Variants in CDH11 observed in about 807,000 individuals in gnomAD.
The protein encoded by CDH11 is cadherin-11.
Under a neutral mutation model 67.8 loss-of-function variants are expected in CDH11, and 11 were observed. The ratio of observed to expected loss-of-function variants is 0.16; its 90% CI spans 0.10 to 0.27. The LOEUF is 0.27. CDH11 is among the 10% of genes least tolerant of loss of function. The pLI, the probability that CDH11 is intolerant of heterozygous loss-of-function variation, is 1.00. For missense variants in CDH11, 847 were observed against 1,031.2 expected (o/e 0.82, Z 2.45); for synonymous variants, 419 against 400.0 (o/e 1.05, Z -0.57).
At chr16:65,082,580 A>C (rs1385745747) in intron 1 of CDH11, among the ~76,000 whole-genome samples, 1 of 152,210 alleles carries the variant, frequency 6.6e-6, no homozygotes, top group East Asian at 1.9e-4. Context: ...TTCCCAGAAA[A>C]AAAGAACTGT....
At chr16:65,015,215 G>A (rs76032247) in intron 2 of CDH11, among the ~76,000 whole-genome samples, 1 of 151,636 alleles carries the variant, frequency 6.6e-6, no homozygotes, top group South Asian at 2.1e-4. Flanking sequence ...GATGTACAGG[G>A]GAAAAGTTCA....
chr16:65,020,846 T>C (rs1459163076), intron 2 of CDH11, among the ~76,000 whole-genome samples: 1 of 152,162 alleles, frequency 6.6e-6, no homozygotes, highest in Non-Finnish European at 1.5e-5. Context: ...TTGTCAGTTT[T>C]TAGGTTTTTC....
intron 2 of CDH11, among the ~76,000 whole-genome samples, chr16:65,025,972 C>T (rs564214093): frequency 6.6e-6 from 1 of 152,216 alleles, no homozygotes; most frequent in African/African-American, 2.4e-5. Context: ...AGTCTGTCCA[C>T]AGAAACTCCT....
intron 11 of CDH11, among the ~76,000 whole-genome samples, chr16:64,967,910 T>G (rs976353418): frequency 3.0e-4 from 45 of 152,344 alleles, no homozygotes; most frequent in African/African-American, 1.0e-3. Context: ...TGGCTGTGAT[T>G]AAAGTGAAAA....
chr16:64,998,271 G>A (rs2072825982), intron 4 of CDH11, among the ~76,000 whole-genome samples: 1 of 152,230 alleles, frequency 6.6e-6, no homozygotes, highest in African/African-American at 2.4e-5. Context: ...AATAGTGCAT[G>A]TAAGTCATTA....
intron 2 of CDH11, among the ~76,000 whole-genome samples, chr16:65,026,035 A>G (rs1354029908): frequency 6.6e-6 from 1 of 152,156 alleles, no homozygotes; most frequent in African/African-American, 2.4e-5. Context: ...TCATGGGGTG[A>G]ACAAAGCTCC....
At chr16:65,122,267 T>TC (rs1200675751), upstream of CDH11, 11 of 396,444 alleles carry the variant, frequency 2.8e-5, no homozygotes, top group South Asian at 2.8e-4. Context: ...TCCGCGCCCC[T>TC]CCCCCCAGGG....
intron 1 of CDH11, among the ~76,000 whole-genome samples, chr16:65,076,441 G>A (rs1292754303): frequency 6.6e-6 from 1 of 152,162 alleles, no homozygotes; most frequent in Non-Finnish European, 1.5e-5. Flanking sequence ...CCTCATAGAT[G>A]TCTCATGGCC....
chr16:65,043,840 G>A (rs2073908400), intron 2 of CDH11, among the ~76,000 whole-genome samples: 1 of 152,158 alleles, frequency 6.6e-6, no homozygotes, highest in Non-Finnish European at 1.5e-5. Flanking sequence ...CTTGGGGGGA[G>A]GGGAGGAGTA....
At chr16:65,036,016 G>A (rs556483237) in intron 2 of CDH11, among the ~76,000 whole-genome samples, 17 of 152,302 alleles carry the variant, frequency 1.1e-4, no homozygotes, top group Non-Finnish European at 1.8e-4. Context: ...AGCAGCTGAT[G>A]AGGATAGTGG....
intron 1 of CDH11, among the ~76,000 whole-genome samples, chr16:65,098,703 A>G (rs975429770): frequency 1.3e-5 from 2 of 151,948 alleles, no homozygotes; most frequent in African/African-American, 4.8e-5. Flanking sequence ...AGCATCTCCT[A>G]TTGGGTCTGG....
At chr16:64,997,625 T>C (rs187902631) in intron 4 of CDH11, among the ~76,000 whole-genome samples, 1 of 152,050 alleles carries the variant, frequency 6.6e-6, no homozygotes, top group Admixed American at 6.5e-5. Context: ...GCAGGGAAAA[T>C]GGAAGAGACA....
At chr16:65,096,449 A>G (rs1486071414) in intron 1 of CDH11, among the ~76,000 whole-genome samples, 2 of 136,264 alleles carry the variant, frequency 1.5e-5, no homozygotes, top group Admixed American at 7.4e-5. Context: ...GTGTGTATAT[A>G]TATGTTTATA....
At chr16:64,948,697 T>C in intron 12 of CDH11, 4 of 1,606,862 alleles carry the variant, frequency 2.5e-6, no homozygotes, top group Non-Finnish European at 2.5e-6. Context: ...TCTGTTTACT[T>C]TAACATAGGA....
intron 2 of CDH11, among the ~76,000 whole-genome samples, chr16:65,029,870 G>C (rs1021443520): frequency 1.3e-5 from 2 of 152,192 alleles, no homozygotes; most frequent in Non-Finnish European, 2.9e-5. Context: ...ATTGGAGGCA[G>C]ACTTGGGACA....
At chr16:65,001,702 A>G (rs1171794276) in intron 3 of CDH11, among the ~76,000 whole-genome samples, 1 of 152,106 alleles carries the variant, frequency 6.6e-6, no homozygotes, top group Non-Finnish European at 1.5e-5. Context: ...GTTGGAAAGT[A>G]GGACATAACT....
chr16:65,045,329 GTATATATATATATATATATATATATAT>G (rs2073937657), intron 2 of CDH11, among the ~76,000 whole-genome samples: 1 of 63,266 alleles, frequency 1.6e-5, no homozygotes, highest in African/African-American at 6.3e-5. Context: ...TCCCTCAAAA[GTATATATATATATATATATATATATAT>G]ATATATATAT....
chr16:65,102,556 G>C (rs922937715), intron 1 of CDH11, among the ~76,000 whole-genome samples: 19 of 152,202 alleles, frequency 1.2e-4, no homozygotes, highest in Admixed American at 7.8e-4. Context: ...ATATAGACAA[G>C]CATGATGCAA....
intron 1 of CDH11, among the ~76,000 whole-genome samples, chr16:65,096,764 C>T (rs1567576221): frequency 1.3e-5 from 2 of 151,694 alleles, no homozygotes; most frequent in Admixed American, 6.6e-5. Flanking sequence ...TCGACTAATA[C>T]CTTATGTATA....
Sources: gnomAD v4.1 joint callset for allele counts (sites outside exome capture counted in the v4.1 genomes callset) on GRCh38, gnomAD v4.1.1 for gene constraint, MANE v1.5 for transcripts, NCBI Gene and HGNC (gene_info 2026-07-23, HGNC 2026-07-21) for gene names.